Variants in SBF2 observed in about 807,000 individuals in gnomAD.
SBF2 encodes SET binding factor 2, also known as myotubularin-related protein 13.
A neutral mutation model predicts 225.2 loss-of-function variants in SBF2; 112 were observed. The observed-to-expected ratio is 0.50, with a 90% CI of 0.43 to 0.58. SBF2 has a LOEUF of 0.58. Ranked by LOEUF, SBF2 falls within the 20% of genes least tolerant of loss-of-function variation. The pLI, the probability that SBF2 is intolerant of heterozygous loss-of-function variation, is 0.00. For synonymous variants in SBF2, 763 were observed against 773.3 expected (o/e 0.99, Z 0.22); for missense variants, 1,996 against 2,206.2 (o/e 0.90, Z 1.91).
chr11:10,134,108 A>C (rs1954233739), intron 2 of SBF2, among the ~76,000 whole-genome samples: 1 of 152,206 alleles, frequency 6.6e-6, no homozygotes, highest in African/African-American at 2.4e-5. Context: ...CCTCACAATC[A>C]TGGCAGAAGG....
At chr11:9,889,388 A>G (rs1590342460) in intron 17 of SBF2, among the ~76,000 whole-genome samples, 1 of 152,182 alleles carries the variant, frequency 6.6e-6, no homozygotes, top group South Asian at 2.1e-4. Context: ...AGGTCTAAAA[A>G]TTTTATTTAC....
chr11:9,896,155 G>T, intron 16 of SBF2, 144 bp from the exon 17 acceptor site: 1 of 693,222 alleles, frequency 1.4e-6, no homozygotes, highest in Non-Finnish European at 2.6e-6. Flanking sequence ...GGAGGGGTTT[G>T]TACTCTTATT....
At chr11:9,922,823 C>T (rs545316160) in intron 16 of SBF2, among the ~76,000 whole-genome samples, 1 of 152,238 alleles carries the variant, frequency 6.6e-6, no homozygotes, top group African/African-American at 2.4e-5. Flanking sequence ...CTTTTACCTC[C>T]CTGTTACCAG....
intron 3 of SBF2, among the ~76,000 whole-genome samples, chr11:10,033,014 T>C (rs531061788): frequency 2.6e-5 from 4 of 152,332 alleles, no homozygotes; most frequent in Non-Finnish European, 4.4e-5. Flanking sequence ...AAGGGAACTA[T>C]CTGTTTAGTT....
chr11:10,146,162 A>T lies in SBF2; in HGVS notation c.141+47740T>A, dbSNP rs143428515. Among the ~76,000 whole-genome samples, 25 of 152,344 alleles carry T rather than the reference A, an allele frequency of 1.6e-4. No individual in the cohort carries two copies. The East Asian group carries it at 4.6e-3, about 28-fold the overall frequency. On this transcript the variant is annotated intron_variant, in intron 2 of 39. Coordinates refer to ENST00000256190, the MANE Select transcript of SBF2 (RefSeq NM_030962.4). ...GGCCATATTGCCCAAAGAAATTTAT[A>T]GATTTAATGCTATTCCTATCAGACT... is the stretch of plus-strand genomic sequence containing the variant.
intron 2 of SBF2, among the ~76,000 whole-genome samples, chr11:10,143,905 G>A (rs1954767927): frequency 6.6e-6 from 1 of 151,990 alleles, no homozygotes; most frequent in Non-Finnish European, 1.5e-5. Context: ...ATTTTTAGTA[G>A]AGACGGGGTT....
Position 9,959,701 on chromosome 11 carries a change from A to C in SBF2, c.1860+2256T>G, listed in dbSNP as rs1866431387. The C allele has an allele frequency of 4.2e-6, 3 of 712,016 alleles. No homozygotes were observed. The African/African-American group carries it at 5.3e-5, about 12-fold the overall frequency. 44.1% of individuals were successfully genotyped at this position (712,016 alleles called of 1,614,324 possible). A position where few individuals can be genotyped will look rare whatever the true frequency, so the allele number is the denominator to read the frequency against. On this transcript the variant is annotated intron_variant, in intron 16 of 39. Transcript: ENST00000256190. The stretch of plus-strand genomic sequence containing the variant: ...TTGAGTACCATCGATTCAGATATAC[A>C]TGGCCTGGACTTTCTCACCCTGAGG...
intron 2 of SBF2, among the ~76,000 whole-genome samples, chr11:10,095,004 T>G (rs1951958839): frequency 6.6e-6 from 1 of 151,672 alleles, no homozygotes; most frequent in African/African-American, 2.4e-5. Flanking sequence ...ATCGAAGCCA[T>G]AAAATATATA....
chr11:9,833,470 G>C (rs1358580379), intron 26 of SBF2, among the ~76,000 whole-genome samples: 1 of 148,900 alleles, frequency 6.7e-6, no homozygotes. Context: ...GCCCAGGCTG[G>C]AGTGCAGTGG....
Position 10,303,496 on chromosome 11 carries a change from AAGGTCCGCGCGACCCACTGC to A in SBF2, n.386+976_386+995del, listed in dbSNP as rs2051349639. 1 of 152,314 alleles carries A rather than the reference AAGGTCCGCGCGACCCACTGC, an allele frequency of 6.6e-6. No homozygotes were observed. Among genetic ancestry groups the A allele is most frequent in the Non-Finnish European group, 1.5e-5 (1 of 68,114 alleles). 9.4% of individuals were successfully genotyped at this position (152,314 alleles called of 1,614,324 possible). A position where few individuals can be genotyped will look rare whatever the true frequency, so the allele number is the denominator to read the frequency against. ...GCGGCCCAGACAGACCACTCTGGGCAAGGTCCGCGCGACCCACTGCCCAGCCGCCTTTGCACCGGAGCTCA... is the reference window on the plus strand; with the variant it reads ...GCGGCCCAGACAGACCACTCTGGGCACCAGCCGCCTTTGCACCGGAGCTCA... On this transcript the variant is annotated intron_variant and non_coding_transcript_variant, in intron 1 of 5. Coordinates refer to the SBF2 transcript ENST00000685217. This position sits in a 1 kb window ranked among gnomAD's most constrained non-coding sequence, Gnocchi z 5.2.
chr11:10,176,917 G>A (rs1292255433), intron 2 of SBF2, among the ~76,000 whole-genome samples: 2 of 152,090 alleles, frequency 1.3e-5, no homozygotes, highest in South Asian at 4.1e-4. Flanking sequence ...AATACCCTTG[G>A]TGAACATTGA....
chr11:9,851,491 T>C (rs1400711386), intron 21 of SBF2, among the ~76,000 whole-genome samples: 1 of 152,144 alleles, frequency 6.6e-6, no homozygotes, highest in Non-Finnish European at 1.5e-5. Flanking sequence ...GTAATGAACA[T>C]TTACACAACT....
At chr11:10,229,774 A>AAAAATGTAT in intron 1 of SBF2, among the ~76,000 whole-genome samples, 1 of 152,316 alleles carries the variant, frequency 6.6e-6, no homozygotes, top group Non-Finnish European at 1.5e-5. Context: ...TGGTGCTGAA[A>AAAAATGTAT]AAAATGTATA....
chr11:9,974,983 A>AAAAAAAAAAAAAAAAAAAAG (rs1946619382), intron 13 of SBF2, among the ~76,000 whole-genome samples: 1 of 74,894 alleles, frequency 1.3e-5, no homozygotes, highest in Non-Finnish European at 3.3e-5. Context: ...AAAAAAAAAA[A>AAAAAAAAAAAAAAAAAAAAG]AAAAAGAAAA....
Position 10,050,154 on chromosome 11 carries a change from G to T in SBF2, c.142-7173C>A, listed in dbSNP as rs531904844. On this transcript the variant is annotated intron_variant, in intron 2 of 39. Coordinates refer to ENST00000256190, the MANE Select transcript of SBF2 (RefSeq NM_030962.4). ...TACTAAAAAACATACACTAGAGAAT[G>T]ATGACTGCATATTTTCACATCTTTA... is the stretch of plus-strand genomic sequence containing the variant. 5.3e-5 allele frequency among the ~76,000 whole-genome samples: 8 copies of T among 152,304 alleles called. No individual in the cohort carries two copies. In the South Asian group the frequency reaches 1.7e-3, roughly 32 times the overall value.
intron 33 of SBF2, among the ~76,000 whole-genome samples, 191 bp downstream of exon 33, chr11:9,795,640 G>C (rs932611643): frequency 1.3e-5 from 2 of 152,180 alleles, no homozygotes; most frequent in Non-Finnish European, 2.9e-5. Context: ...CTATAGGAAT[G>C]ACCACCTGCT....
intron 2 of SBF2, among the ~76,000 whole-genome samples, chr11:10,147,736 ATATT>A (rs1954958518): frequency 6.6e-6 from 1 of 152,186 alleles, no homozygotes; most frequent in Non-Finnish European, 1.5e-5. Flanking sequence ...TAAAATATAT[ATATT>A]TATTCCACAA....
At chr11:10,201,152 C>T (rs557555028) in intron 1 of SBF2, among the ~76,000 whole-genome samples, 1 of 152,274 alleles carries the variant, frequency 6.6e-6, no homozygotes, top group South Asian at 2.1e-4. Flanking sequence ...CTTTTGGGTA[C>T]ATGTATTGAT....
intron 2 of SBF2, among the ~76,000 whole-genome samples, chr11:10,184,292 T>C (rs1956848598): frequency 6.6e-6 from 1 of 152,242 alleles, no homozygotes; most frequent in South Asian, 2.1e-4. Context: ...ACTGTCTTGA[T>C]TATTGAGCCT....
Sources: allele counts gnomAD v4.1 joint callset (sites outside exome capture counted in the v4.1 genomes callset), GRCh38; gene constraint gnomAD v4.1.1; non-coding constraint Gnocchi (gnomAD v3.1); transcripts MANE v1.5; gene names NCBI Gene and HGNC (gene_info 2026-07-23, HGNC 2026-07-21).